SAXO1: variants seen among roughly 807,000 people sequenced by gnomAD.
The protein encoded by SAXO1 is 4930500O09Rik.
Under a neutral mutation model 17.5 loss-of-function variants are expected in SAXO1, and 21 were observed. The ratio of observed to expected loss-of-function variants is 1.20; its 90% CI spans 0.85 to 1.72. The LOEUF (loss-of-function observed/expected upper bound fraction) is 1.72, where lower values mean the gene tolerates loss of function less well. Among genes scored for constraint, SAXO1 ranks in the 40% most tolerant of loss-of-function variants. The pLI is 0.00. For missense variants in SAXO1, 843 were observed against 596.0 expected (o/e 1.41, Z -4.32); for synonymous variants, 274 against 216.5 (o/e 1.27, Z -2.33).
intron 1 of SAXO1, among the ~76,000 whole-genome samples, chr9:18,993,522 T>G (rs1171840191): frequency 6.6e-6 from 1 of 152,158 alleles, no homozygotes. Flanking sequence ...ACATGTCCCA[T>G]GTAATCACCA....
intron 1 of SAXO1, among the ~76,000 whole-genome samples, chr9:19,015,832 A>G (rs764144365): frequency 2.6e-5 from 4 of 152,126 alleles, no homozygotes; most frequent in Non-Finnish European, 5.9e-5. Context: ...TTGACACTCA[A>G]TGAAGTAACC....
chr9:18,996,853 GA>G (rs1006146231), intron 1 of SAXO1, among the ~76,000 whole-genome samples: 1 of 150,698 alleles, frequency 6.6e-6, no homozygotes, highest in Non-Finnish European at 1.5e-5. Context: ...AATGAGGCAA[GA>G]AAAAAAACAT....
intron 2 of SAXO1, among the ~76,000 whole-genome samples, chr9:18,942,695 C>G (rs1307705411): frequency 4.6e-5 from 7 of 152,246 alleles, no homozygotes; most frequent in South Asian, 2.1e-4. Flanking sequence ...AGGAAGCAGT[C>G]CCTCCCCAAA....
At chr9:19,039,815 G>T (rs374462229) in intron 1 of SAXO1, among the ~76,000 whole-genome samples, 1 of 152,044 alleles carries the variant, frequency 6.6e-6, no homozygotes, top group African/African-American at 2.4e-5. Flanking sequence ...TGCAACCTCC[G>T]CCTCCCAGGT....
At chr9:18,936,900 G>C (rs1448294471) in intron 3 of SAXO1, among the ~76,000 whole-genome samples, 4 of 152,188 alleles carry the variant, frequency 2.6e-5, no homozygotes, top group Admixed American at 2.0e-4. Flanking sequence ...CCCAGTAAAG[G>C]TGCTGGCCAT....
At chr9:19,027,309 G>C (rs1420275754) in intron 1 of SAXO1, 2 of 825,760 alleles carry the variant, frequency 2.4e-6, no homozygotes, top group African/African-American at 3.3e-5. Flanking sequence ...TGTGAACAAA[G>C]ACTCCTATCC....
chr9:19,039,068 C>G (rs1289746329), intron 1 of SAXO1, among the ~76,000 whole-genome samples: 1 of 151,266 alleles, frequency 6.6e-6, no homozygotes, highest in East Asian at 1.9e-4. Context: ...CTTTACAGAA[C>G]ATTGTTTAAA....
intron 1 of SAXO1, among the ~76,000 whole-genome samples, chr9:18,952,649 G>T (rs879481726): frequency 5.9e-5 from 9 of 152,064 alleles, no homozygotes; most frequent in Non-Finnish European, 1.0e-4. Flanking sequence ...GCATGAAATT[G>T]CCTGATTTAC....
intron 1 of SAXO1, among the ~76,000 whole-genome samples, chr9:18,985,711 G>A (rs764910352): frequency 3.9e-5 from 6 of 152,216 alleles, no homozygotes; most frequent in African/African-American, 1.2e-4. Context: ...TGCCCTTTCT[G>A]TTCCGGCAGC....
chr9:18,999,040 G>C (rs948827429), intron 1 of SAXO1, among the ~76,000 whole-genome samples: 1 of 152,194 alleles, frequency 6.6e-6, no homozygotes, highest in Non-Finnish European at 1.5e-5. Flanking sequence ...TGAAGAAACT[G>C]CATCAATTAA....
chr9:18,928,788 C>G lies in SAXO1; in HGVS notation c.689G>C (p.Cys230Ser). Residue 230 changes from cysteine (C) to serine (S), a missense_variant, in exon 4 of 4, where the codon TGT (cysteine) becomes TCT (serine). By Grantham distance (112) the Cys-to-Ser change is moderately radical. Transcript: ENST00000380534. ...GGTAAGGCTTTCAAAGGGGATTTCA[C>G]AGGGCCTGAACTTCTCTGCTTCATG... Reference protein sequence around the residue: ...FVHEAEKFRPCEIPFESLTTQ... With the variant: ...FVHEAEKFRPSEIPFESLTTQ... 5.0e-6 allele frequency: 8 copies of G among 1,614,186 alleles called. No homozygotes were observed. Among genetic ancestry groups the G allele is most frequent in the Non-Finnish European group, 5.9e-6 (7 of 1,180,052 alleles).
intron 1 of SAXO1, among the ~76,000 whole-genome samples, chr9:18,984,550 A>G (rs1487485601): frequency 6.6e-6 from 1 of 152,220 alleles, no homozygotes; most frequent in Non-Finnish European, 1.5e-5. Flanking sequence ...TTTATGTTGT[A>G]AAGAAGGCTT....
chr9:18,935,047 C>G (rs1264366986), intron 3 of SAXO1, among the ~76,000 whole-genome samples: 1 of 152,170 alleles, frequency 6.6e-6, no homozygotes, highest in African/African-American at 2.4e-5. Flanking sequence ...CCTGCCTCAG[C>G]CTCCTGAGTG....
At chr9:19,027,550 C>A in intron 1 of SAXO1, 1 of 1,179,462 alleles carries the variant, frequency 8.5e-7, no homozygotes, top group Non-Finnish European at 1.3e-6. Flanking sequence ...TGGCCTGGGC[C>A]TGTAGGGCAC....
At chr9:18,930,128 G>A (rs149049728) in intron 3 of SAXO1, among the ~76,000 whole-genome samples, 1 of 152,110 alleles carries the variant, frequency 6.6e-6, no homozygotes, top group Non-Finnish European at 1.5e-5. Flanking sequence ...CACACTTAGG[G>A]GCATTTTATT....
intron 1 of SAXO1, among the ~76,000 whole-genome samples, chr9:19,011,290 G>A (rs1258850988): frequency 1.3e-5 from 2 of 152,142 alleles, no homozygotes; most frequent in Non-Finnish European, 2.9e-5. Flanking sequence ...AGGCATTTGA[G>A]CCCATTGCCA....
chr9:18,975,834 G>T (rs985032859), intron 1 of SAXO1, among the ~76,000 whole-genome samples: 17 of 152,146 alleles, frequency 1.1e-4, no homozygotes, highest in African/African-American at 4.1e-4. Flanking sequence ...TGAAAGTTGT[G>T]CTGAGCGAAA....
chr9:19,032,640 T>A lies in SAXO1; in HGVS notation c.38+231A>T, dbSNP rs959459265. ...CGGTCACGCCCATTTTCAACCCTCCTGCAGTTCTCAAGTGAAGCGGCACAG... is the reference window on the plus strand; with the variant it reads ...CGGTCACGCCCATTTTCAACCCTCCAGCAGTTCTCAAGTGAAGCGGCACAG... On this transcript the variant is annotated intron_variant, in intron 1 of 3. Transcript: ENST00000380534. Among the ~76,000 whole-genome samples, 8 of 152,168 alleles carry A rather than the reference T, an allele frequency of 5.3e-5. No homozygotes were observed. In the East Asian group the frequency reaches 1.5e-3, roughly 29 times the overall value.
chr9:19,044,590 G>A (rs747964400), intron 1 of SAXO1, among the ~76,000 whole-genome samples: 5 of 152,170 alleles, frequency 3.3e-5, no homozygotes, highest in African/African-American at 7.2e-5. Context: ...TCCGGCGGGC[G>A]CGGTAGCTCA....
Sources: allele counts gnomAD v4.1 joint callset (sites outside exome capture counted in the v4.1 genomes callset), GRCh38; gene constraint gnomAD v4.1.1; transcripts MANE v1.5; gene names NCBI Gene and HGNC (gene_info 2026-07-23, HGNC 2026-07-21).